BAIAP2: variants seen among roughly 807,000 people sequenced by gnomAD.
BAIAP2 encodes the protein BAR/IMD domain containing adaptor protein 2, also known as BAR/IMD domain-containing adapter protein 2.
BAIAP2 carries 18 observed loss-of-function variants against 63.0 expected under a neutral mutation model. The ratio of observed to expected loss-of-function variants is 0.29; its 90% CI spans 0.20 to 0.42. The LOEUF (loss-of-function observed/expected upper bound fraction) is 0.42. BAIAP2 is among the 10% of genes least tolerant of loss of function. The probability of loss-of-function intolerance (pLI) is 1.00; values close to 1 mark genes in which losing one functional copy is unlikely to be tolerated. For missense variants in BAIAP2, 610 were observed against 734.3 expected (o/e 0.83, Z 1.96); for synonymous variants, 386 against 307.6 (o/e 1.25, Z -2.67).
chr17:81,103,206 C>T (rs988018916), intron 7 of BAIAP2, among the ~76,000 whole-genome samples: 7 of 152,334 alleles, frequency 4.6e-5, no homozygotes, highest in South Asian at 4.1e-4. Context: ...CGTCCCTGTC[C>T]GTTCCTCCTT....
At chr17:81,081,636 G>A (rs1168771204) in intron 3 of BAIAP2, among the ~76,000 whole-genome samples, 2 of 152,168 alleles carry the variant, frequency 1.3e-5, no homozygotes, top group African/African-American at 4.8e-5. Context: ...TCCCTTCCCT[G>A]CACACCTTGA....
At chr17:81,110,792 C>A in intron 13 of BAIAP2, 1 of 1,360,228 alleles carries the variant, frequency 7.4e-7, no homozygotes, top group Non-Finnish European at 1.0e-6. Context: ...CAGCTGTGTG[C>A]CGACTCCGAG....
intron 3 of BAIAP2, among the ~76,000 whole-genome samples, chr17:81,080,806 T>A (rs958034234): frequency 6.6e-6 from 1 of 152,000 alleles, no homozygotes; most frequent in Non-Finnish European, 1.5e-5. Context: ...CACAGAAACC[T>A]AGGAGTTGGA....
At chr17:81,041,393 A>G (rs1483289522) in intron 1 of BAIAP2, among the ~76,000 whole-genome samples, 2 of 152,178 alleles carry the variant, frequency 1.3e-5, no homozygotes, top group African/African-American at 4.8e-5. Context: ...ACGCGGCACC[A>G]TGAGATCTGA....
chr17:81,111,760 A>AT (rs1436285184), intron 13 of BAIAP2, among the ~76,000 whole-genome samples: 3 of 152,202 alleles, frequency 2.0e-5, no homozygotes, highest in Non-Finnish European at 4.4e-5. Flanking sequence ...CTCTGCCCTC[A>AT]TAGGGGGCCC....
chr17:81,039,175 G>A (rs1026596714), intron 1 of BAIAP2, among the ~76,000 whole-genome samples: 4 of 152,218 alleles, frequency 2.6e-5, no homozygotes, highest in Non-Finnish European at 4.4e-5. Context: ...CAGGGGGCAC[G>A]TCTCCCAGGA....
At position 81,053,657 on chromosome 17, in the gene BAIAP2, C is replaced by A; in HGVS notation, c.55-11C>A. Reference sequence around the variant, plus strand: ...TGCCAGTAATGCTGTTTCTTCTCTGCTTTCTTCCAGACCATCATGGAGCAG... The same window carrying A: ...TGCCAGTAATGCTGTTTCTTCTCTGATTTCTTCCAGACCATCATGGAGCAG... On this transcript the variant is annotated splice_polypyrimidine_tract_variant and intron_variant, in intron 1 of 13. Coordinates refer to ENST00000428708, the MANE Select transcript of BAIAP2 (RefSeq NM_001144888.2). The A allele has an allele frequency of 6.2e-7, 1 of 1,614,060 alleles. No individual in the cohort carries two copies. Among genetic ancestry groups the A allele is most frequent in the South Asian group, 1.1e-5 (1 of 91,078 alleles).
chr17:81,096,053 C>T (rs1377534797), intron 6 of BAIAP2, among the ~76,000 whole-genome samples: 1 of 152,054 alleles, frequency 6.6e-6, no homozygotes, highest in Non-Finnish European at 1.5e-5. Flanking sequence ...GTGAGGAGAC[C>T]CAGGGGGCCC....
At chr17:81,113,918 G>C (rs2060202417) in intron 13 of BAIAP2, among the ~76,000 whole-genome samples, 1 of 150,828 alleles carries the variant, frequency 6.6e-6, no homozygotes, top group East Asian at 2.0e-4. Flanking sequence ...GCCCTCGGCT[G>C]TGGTCTGGGC....
chr17:81,042,836 G>A (rs1027266637), intron 1 of BAIAP2, among the ~76,000 whole-genome samples: 2 of 152,048 alleles, frequency 1.3e-5, no homozygotes, highest in African/African-American at 4.8e-5. Flanking sequence ...TGCTAGTGGC[G>A]GGCAGAGTGG....
chr17:81,079,584 A>C (rs2054252965), intron 3 of BAIAP2, among the ~76,000 whole-genome samples: 1 of 152,050 alleles, frequency 6.6e-6, no homozygotes, highest in South Asian at 2.1e-4. Context: ...AGCTGCCCAG[A>C]GTTGGCTGAC....
At chr17:81,086,058 C>T (rs1172586069) in intron 5 of BAIAP2, among the ~76,000 whole-genome samples, 1 of 150,582 alleles carries the variant, frequency 6.6e-6, no homozygotes, top group African/African-American at 2.4e-5. Context: ...GCTCTCGGCC[C>T]GTCCTGCCCC....
intron 13 of BAIAP2, chr17:81,109,220 T>C: frequency 7.2e-7 from 1 of 1,389,342 alleles, no homozygotes; most frequent in Non-Finnish European, 9.3e-7. Context: ...CCCCATCCTG[T>C]GTGTCCCAGC....
At chr17:81,108,561 C>T (rs1335393678) in intron 13 of BAIAP2, 52 bp downstream of exon 13, 13 of 1,609,318 alleles carry the variant, frequency 8.1e-6, no homozygotes, top group Non-Finnish European at 1.1e-5. Context: ...TGTGAAGAGG[C>T]CGGGTGGGGC....
intron 4 of BAIAP2, chr17:81,085,420 T>G: frequency 3.0e-6 from 2 of 668,580 alleles, no homozygotes. Flanking sequence ...CCCTTGTGGC[T>G]GTTTGGAGGC....
intron 3 of BAIAP2, among the ~76,000 whole-genome samples, chr17:81,081,084 G>A (rs1485253681): frequency 6.6e-6 from 1 of 152,210 alleles, no homozygotes; most frequent in African/African-American, 2.4e-5. Context: ...GTTGTCACCT[G>A]CCACCCCAAC....
intron 1 of BAIAP2, among the ~76,000 whole-genome samples, chr17:81,051,393 G>GT (rs1020653226): frequency 6.2e-4 from 94 of 152,144 alleles, no homozygotes; most frequent in African/African-American, 2.1e-3. Flanking sequence ...TGTTTGTTTT[G>GT]TTTTTTTGTA....
chr17:81,073,967 G>A (rs2053170595), intron 3 of BAIAP2, among the ~76,000 whole-genome samples: 1 of 152,202 alleles, frequency 6.6e-6, no homozygotes, highest in Admixed American at 6.5e-5. Context: ...TAGGTGGAAT[G>A]CTGATTTGTT....
intron 7 of BAIAP2, among the ~76,000 whole-genome samples, chr17:81,102,438 A>G (rs1431808379): frequency 1.3e-5 from 2 of 151,948 alleles, no homozygotes; most frequent in Admixed American, 6.5e-5. Context: ...AAGGGCCACA[A>G]AGTTTGTGCT....
Sources: allele counts gnomAD v4.1 joint callset (sites outside exome capture counted in the v4.1 genomes callset), GRCh38; gene constraint gnomAD v4.1.1; transcripts MANE v1.5; gene names NCBI Gene and HGNC (gene_info 2026-07-23, HGNC 2026-07-21).